Variants in SLC39A11 observed in about 807,000 individuals in gnomAD.
SLC39A11 encodes zinc transporter ZIP11.
SLC39A11 carries 33 observed loss-of-function variants against 36.1 expected under a neutral mutation model. The observed-to-expected ratio is 0.91, with a 90% CI of 0.69 to 1.22. The LOEUF (loss-of-function observed/expected upper bound fraction) is 1.22. Ranked by LOEUF, SLC39A11 falls within the 50% of genes most tolerant of loss-of-function variation. The pLI, the probability that SLC39A11 is intolerant of heterozygous loss-of-function variation, is 0.00. For synonymous variants in SLC39A11, 166 were observed against 170.3 expected (o/e 0.97, Z 0.20); for missense variants, 432 against 430.3 (o/e 1.00, Z -0.03).
intron 4 of SLC39A11, among the ~76,000 whole-genome samples, chr17:72,988,137 C>G (rs1267005192): frequency 6.6e-6 from 1 of 152,182 alleles, no homozygotes; most frequent in East Asian, 1.9e-4. Flanking sequence ...TACAAACAAT[C>G]CAATTACACT....
At chr17:73,031,407 C>A in intron 4 of SLC39A11, 149 bp downstream of exon 4, 2 of 802,118 alleles carry the variant, frequency 2.5e-6, no homozygotes, top group Non-Finnish European at 3.9e-6. Context: ...AATCACCGAT[C>A]AGTTCCTCTA....
intron 3 of SLC39A11, among the ~76,000 whole-genome samples, chr17:73,061,412 A>G (rs2059836318): frequency 6.6e-6 from 1 of 152,148 alleles, no homozygotes; most frequent in Non-Finnish European, 1.5e-5. Context: ...GGTTCATAAA[A>G]CTGTTAACCC....
intron 6 of SLC39A11, among the ~76,000 whole-genome samples, chr17:72,780,035 T>A (rs540421232): frequency 8.5e-5 from 13 of 152,208 alleles, no homozygotes; most frequent in Non-Finnish European, 1.8e-4. Context: ...ATAATTGTGT[T>A]GGTCAAGCAT....
intron 7 of SLC39A11, among the ~76,000 whole-genome samples, chr17:72,727,148 C>T (rs1454355136): frequency 1.3e-5 from 2 of 152,192 alleles, no homozygotes; most frequent in African/African-American, 4.8e-5. Context: ...TAAGCATAAA[C>T]AGTCTTACTC....
chr17:73,056,586 T>A (rs9909711), intron 3 of SLC39A11, among the ~76,000 whole-genome samples: 48,782 of 152,000 alleles, frequency 0.32, 7,929 homozygotes, highest in East Asian at 0.41. Context: ...GGCAAGTCAC[T>A]GGCAAAAGTC....
intron 5 of SLC39A11, among the ~76,000 whole-genome samples, chr17:72,900,122 A>AAAAG (rs1304694605): frequency 7.2e-6 from 1 of 138,686 alleles, no homozygotes; most frequent in Non-Finnish European, 1.5e-5. Flanking sequence ...AGAAAGAAAG[A>AAAAG]AAAGAAAGAA....
intron 6 of SLC39A11, among the ~76,000 whole-genome samples, chr17:72,822,506 C>A (rs2077836110): frequency 6.6e-6 from 1 of 150,850 alleles, no homozygotes; most frequent in South Asian, 2.1e-4. Flanking sequence ...GGCCTATGCC[C>A]TCAGCTTCAC....
At chr17:72,999,251 T>C (rs2148373895) in intron 4 of SLC39A11, among the ~76,000 whole-genome samples, 1 of 152,346 alleles carries the variant, frequency 6.6e-6, no homozygotes. Context: ...TCTTTACTTT[T>C]TAACTGTCTC....
At chr17:73,009,531 G>A (rs1246176571) in intron 4 of SLC39A11, among the ~76,000 whole-genome samples, 1 of 152,088 alleles carries the variant, frequency 6.6e-6, no homozygotes, top group Non-Finnish European at 1.5e-5. Flanking sequence ...GTGGATTAGT[G>A]TTTGCCAGGC....
chr17:72,914,209 G>A lies in SLC39A11; in HGVS notation c.430+33543C>T, dbSNP rs919003862. 4.6e-5 allele frequency among the ~76,000 whole-genome samples: 7 copies of A among 151,964 alleles called. No individual in the cohort carries two copies. The South Asian group carries it at 1.0e-3, about 23-fold the overall frequency. ...CGGGCACCTGTAGTCCCAGCTACTC[G>A]GGAGGCTGAGGCAGAAGAATGGCAT... On this transcript the variant is annotated intron_variant, in intron 5 of 9. Transcript: ENST00000255559.
chr17:73,077,501 G>GT (rs1256175271), intron 3 of SLC39A11, among the ~76,000 whole-genome samples: 1 of 152,176 alleles, frequency 6.6e-6, no homozygotes, highest in African/African-American at 2.4e-5. Context: ...GTTTTCTTTT[G>GT]TTTTTTGACA....
intron 5 of SLC39A11, among the ~76,000 whole-genome samples, chr17:72,870,018 T>C (rs2080523278): frequency 1.3e-5 from 2 of 152,150 alleles, no homozygotes; most frequent in East Asian, 3.9e-4. Context: ...GCTTGCTTTT[T>C]TTTTCTTCTT....
chr17:72,650,632 C>T (rs944854434), intron 7 of SLC39A11, among the ~76,000 whole-genome samples: 5 of 152,144 alleles, frequency 3.3e-5, no homozygotes, highest in Non-Finnish European at 7.3e-5. Flanking sequence ...ATCTAAAGGG[C>T]GTGAGAAGAG....
chr17:72,979,535 G>A (rs2088134902), intron 4 of SLC39A11, among the ~76,000 whole-genome samples: 1 of 152,178 alleles, frequency 6.6e-6, no homozygotes, highest in African/African-American at 2.4e-5. Flanking sequence ...CATTACTGGT[G>A]AAAGTGTAAA....
chr17:72,893,027 C>G (rs2081838749), intron 5 of SLC39A11, among the ~76,000 whole-genome samples: 1 of 152,052 alleles, frequency 6.6e-6, no homozygotes, highest in Non-Finnish European at 1.5e-5. Context: ...AAATACTGTG[C>G]CAATCAGAAT....
intron 4 of SLC39A11, among the ~76,000 whole-genome samples, chr17:73,021,130 G>A (rs531285236): frequency 3.5e-4 from 53 of 152,096 alleles, no homozygotes; most frequent in Non-Finnish European, 5.4e-4. Context: ...TCCAACTTTG[G>A]TTCCTGAGCC....
chr17:73,007,438 A>G (rs965096088), intron 4 of SLC39A11, among the ~76,000 whole-genome samples: 1 of 152,176 alleles, frequency 6.6e-6, no homozygotes, highest in African/African-American at 2.4e-5. Flanking sequence ...ATAAAGCAAG[A>G]CACAGCAGAC....
chr17:72,655,809 A>G (rs71377871), intron 7 of SLC39A11, among the ~76,000 whole-genome samples: 16,758 of 152,186 alleles, frequency 0.11, 1,036 homozygotes, highest in African/African-American at 0.16. Context: ...CAGAAGTGAC[A>G]GAGAATATTG....
At chr17:72,820,639 T>G (rs1440949423) in intron 6 of SLC39A11, among the ~76,000 whole-genome samples, 1 of 150,964 alleles carries the variant, frequency 6.6e-6, no homozygotes, top group Non-Finnish European at 1.5e-5. Flanking sequence ...GGGGGCACAG[T>G]GTTGGGGGAG....
Sources: allele counts gnomAD v4.1 joint callset (sites outside exome capture counted in the v4.1 genomes callset), GRCh38; gene constraint gnomAD v4.1.1; transcripts MANE v1.5; gene names NCBI Gene and HGNC (gene_info 2026-07-23, HGNC 2026-07-21).